TPGS1: variants seen among roughly 807,000 people sequenced by gnomAD.
TPGS1 encodes the protein gene trap ROSA b-geo 22.
A neutral mutation model predicts 11.9 loss-of-function variants in TPGS1; 18 were observed. That is an observed-to-expected ratio of 1.51 (90% CI 1.04 to 2.24). The LOEUF (loss-of-function observed/expected upper bound fraction) is 2.24, where lower values mean the gene tolerates loss of function less well. Among genes scored for constraint, TPGS1 ranks in the 30% most tolerant of loss-of-function variants. The probability of loss-of-function intolerance (pLI) is 0.00; values close to 1 mark genes in which losing one functional copy is unlikely to be tolerated. For synonymous variants in TPGS1, 247 were observed against 218.2 expected (o/e 1.13, Z -1.16); for missense variants, 500 against 443.0 (o/e 1.13, Z -1.16).
intron 1 of TPGS1, among the ~76,000 whole-genome samples, chr19:511,345 C>G (rs996634805): frequency 6.6e-6 from 1 of 152,270 alleles, no homozygotes; most frequent in Non-Finnish European, 1.5e-5. Flanking sequence ...ACCTTCCTGT[C>G]TCCTGCCGTC....
At position 519,088 on chromosome 19, in the gene TPGS1, G is replaced by A; in HGVS notation, c.538G>A (p.Val180Ile). The A allele has an allele frequency of 2.6e-6, 4 of 1,532,816 alleles. No homozygotes were observed. Among genetic ancestry groups the A allele is most frequent in the Non-Finnish European group, 3.5e-6 (4 of 1,145,754 alleles). The allele number at this position is 1,532,816 out of a possible 1,614,324, so 95.0% of individuals were successfully genotyped here. The change falls in exon 2 of 2, where the codon GTC becomes ATC. Residue 180 changes from valine (V) to isoleucine (I), a missense_variant. Physicochemically the swap from Val to Ile is conservative, Grantham distance 29 (BLOSUM62 3). Coordinates refer to ENST00000359315, the MANE Select transcript of TPGS1 (RefSeq NM_033513.3). ...CRDHEAVPLS[V>I]FRAGTLTCFV... Reference sequence around the variant, plus strand: ...TGACCACGAGGCGGTGCCGCTGAGCGTCTTCCGCGCGGGCACACTCACCTG... The same window carrying A: ...TGACCACGAGGCGGTGCCGCTGAGCATCTTCCGCGCGGGCACACTCACCTG...
At chr19:509,455 A>C (rs1219942824) in intron 1 of TPGS1, 1 of 152,622 alleles carries the variant, frequency 6.6e-6, no homozygotes, top group African/African-American at 2.4e-5. Flanking sequence ...GGCTTAAAAC[A>C]ACAGAAATTT....
chr19:513,051 G>A (rs1254314985), intron 1 of TPGS1, among the ~76,000 whole-genome samples: 2 of 152,212 alleles, frequency 1.3e-5, no homozygotes, highest in South Asian at 4.1e-4. Context: ...CAAAGCCGCC[G>A]CCGAGACGCT....
intron 1 of TPGS1, among the ~76,000 whole-genome samples, chr19:511,113 C>T (rs1365644432): frequency 2.6e-5 from 4 of 152,380 alleles, no homozygotes; most frequent in African/African-American, 4.8e-5. Context: ...CCGACACAGA[C>T]GGAGCCCTGG....
chr19:508,004 G>A (rs1978677331), intron 1 of TPGS1, 160 bp downstream of exon 1: 3 of 530,880 alleles, frequency 5.7e-6, no homozygotes, highest in Non-Finnish European at 8.7e-6. Flanking sequence ...CGGACAAGGT[G>A]GGCTGGAGGG....
At position 519,251 on chromosome 19, in the gene TPGS1, C is replaced by A. The variant is rs1397778397; in HGVS notation, c.701C>A (p.Ala234Asp). ...TLEGALQASD[A>D]AAPARFLEAG... is the part of the protein sequence containing the mutation. The stretch of plus-strand genomic sequence containing the variant: ...GAGGGCGCGCTGCAGGCCAGCGACG[C>A]CGCCGCGCCCGCGCGCTTCCTGGAG... Residue 234 changes from alanine (A) to aspartate (D), a missense_variant, in exon 2 of 2, where the codon GCC (alanine) becomes GAC (aspartate). Physicochemically the swap from Ala to Asp is moderately radical, Grantham distance 126. Coordinates refer to ENST00000359315, the MANE Select transcript of TPGS1 (RefSeq NM_033513.3). 8 of 1,213,062 alleles carry A rather than the reference C, an allele frequency of 6.6e-6. No individual in the cohort carries two copies. The East Asian group carries it at 2.5e-4, about 38-fold the overall frequency. The allele number at this position is 1,213,062 out of a possible 1,614,324, so 75.1% of individuals were successfully genotyped here.
chr19:518,772 G>T (rs2145836092), intron 1 of TPGS1, 117 bp from the exon 2 acceptor site: 1 of 1,146,354 alleles, frequency 8.7e-7, no homozygotes, highest in East Asian at 3.1e-5. Context: ...GAGGAGAGGG[G>T]AGGCCAGGGC....
chr19:507,657 G>A lies in TPGS1; in HGVS notation c.151G>A (p.Ala51Thr). ...QVGVTEMLRA[A>T]LLKVLEARPE... ...CGGCGTGACGGAAATGCTACGTGCG[G>A]CCCTGCTGAAGGTGCTGGAGGCGCG... is the stretch of plus-strand genomic sequence containing the variant. The change falls in exon 1 of 2, where the codon GCC becomes ACC. Residue 51 changes from alanine (A) to threonine (T), a missense_variant. Coordinates refer to ENST00000359315, the MANE Select transcript of TPGS1 (RefSeq NM_033513.3). 7.2e-7 allele frequency: 1 copy of A among 1,390,922 alleles called. No homozygotes were observed. The highest frequency in any genetic ancestry group is 1.5e-5 in the South Asian group (1 of 65,040). 86.2% of individuals were successfully genotyped at this position (1,390,922 alleles called of 1,614,324 possible).
chr19:518,899 A>C lies in TPGS1; in HGVS notation c.349A>C (p.Asn117His). ...LAHHSQRAAF[N>H]NNVSVAYECL... The stretch of plus-strand genomic sequence containing the variant: ...TCCCCGTCTCCGCAGGGCCGCCTTC[A>C]ACAACAACGTGAGCGTGGCCTACGA... The change falls in exon 2 of 2, where the codon AAC becomes CAC. Residue 117 changes from asparagine to histidine, a missense_variant. Asn to His is a moderately conservative substitution (Grantham distance 68). Transcript: ENST00000359315. The C allele has an allele frequency of 1.3e-6, 2 of 1,533,444 alleles. No individual in the cohort carries two copies. Among genetic ancestry groups the C allele is most frequent in the Non-Finnish European group, 1.7e-6 (2 of 1,148,122 alleles). The allele number at this position is 1,533,444 out of a possible 1,614,324, so 95.0% of individuals were successfully genotyped here.
chr19:518,681 G>T (rs1317184343), intron 1 of TPGS1, among the ~76,000 whole-genome samples: 1 of 145,678 alleles, frequency 6.9e-6, no homozygotes, highest in Non-Finnish European at 1.5e-5. Context: ...GGCCCTAGCT[G>T]GGAGAAGGGA....
intron 1 of TPGS1, 53 bp from the exon 2 acceptor site, chr19:518,836 G>C: frequency 2.1e-6 from 3 of 1,453,810 alleles, no homozygotes; most frequent in Non-Finnish European, 2.7e-6. Flanking sequence ...GGGGAGGCTG[G>C]GGCTGGGTGG....
chr19:517,393 G>A (rs1012571450), intron 1 of TPGS1, among the ~76,000 whole-genome samples: 1 of 31,216 alleles, frequency 3.2e-5, no homozygotes, highest in Admixed American at 3.6e-4. Flanking sequence ...AGGCTGGGAG[G>A]GGGGAGGCCA....
chr19:507,740 G>A lies in TPGS1; in HGVS notation c.234G>A (p.Ser78=), dbSNP rs763805292. ...ACTTCGAGAACATGGGCCTGCGCTC[G>A]CCTGTAAACGGCGGCGCCGGGGAGC... The part of the protein sequence containing the change: ...AHYFENMGLR[S]PVNGGAGEPP... Residue 78 remains serine, a synonymous_variant, in exon 1 of 2, where the codon TCG becomes TCA. Transcript: ENST00000359315. The A allele has an allele frequency of 9.3e-6, 13 of 1,395,112 alleles. No homozygotes were observed. The East Asian group carries it at 3.0e-4, about 32-fold the overall frequency. 86.4% of individuals were successfully genotyped at this position (1,395,112 alleles called of 1,614,324 possible).
chr19:514,215 T>C (rs1306863765), intron 1 of TPGS1, among the ~76,000 whole-genome samples: 1 of 129,820 alleles, frequency 7.7e-6, no homozygotes, highest in Non-Finnish European at 1.6e-5. Flanking sequence ...TTTACTTCAC[T>C]CCCACTGCAC....
intron 1 of TPGS1, among the ~76,000 whole-genome samples, chr19:512,572 G>A (rs1322141256): frequency 6.6e-6 from 1 of 152,212 alleles, no homozygotes; most frequent in African/African-American, 2.4e-5. Context: ...GCTGAAAGTG[G>A]GCCACGCCCC....
chr19:515,999 T>C (rs981492328), intron 1 of TPGS1, among the ~76,000 whole-genome samples: 1 of 140,066 alleles, frequency 7.1e-6, no homozygotes. Context: ...GCCACTGCAC[T>C]CCAGCCCGGG....
intron 1 of TPGS1, among the ~76,000 whole-genome samples, chr19:516,732 G>T (rs751229469): frequency 6.6e-6 from 1 of 152,130 alleles, no homozygotes; most frequent in Non-Finnish European, 1.5e-5. Flanking sequence ...TAAACTTATC[G>T]GTTTTGTGAC....
At chr19:512,809 G>A (rs1366525954) in intron 1 of TPGS1, among the ~76,000 whole-genome samples, 4 of 152,260 alleles carry the variant, frequency 2.6e-5, no homozygotes, top group African/African-American at 9.6e-5. Context: ...TGTGGCCTCC[G>A]AGGCGGGTCA....
chr19:510,153 C>T (rs961434791), intron 1 of TPGS1: 1 of 152,250 alleles, frequency 6.6e-6, no homozygotes, highest in African/African-American at 2.4e-5. Flanking sequence ...GCGGGCGGAT[C>T]ACAAGGTCAG....
Sources: gnomAD v4.1 joint callset for allele counts (sites outside exome capture counted in the v4.1 genomes callset) on GRCh38, gnomAD v4.1.1 for gene constraint, MANE v1.5 for transcripts, NCBI Gene and HGNC (gene_info 2026-07-23, HGNC 2026-07-21) for gene names.